The following MMS22L variants were observed in gnomAD, a reference collection of about 807,000 sequenced individuals.
MMS22L encodes the protein MMS22 like, DNA repair protein.
Under a neutral mutation model 159.1 loss-of-function variants are expected in MMS22L, and 74 were observed. That is an observed-to-expected ratio of 0.47 (90% CI 0.39 to 0.56). MMS22L has a LOEUF of 0.56. MMS22L is among the 20% of genes least tolerant of loss of function. The probability of loss-of-function intolerance (pLI) is 0.00; values close to 1 mark genes in which losing one functional copy is unlikely to be tolerated. For missense variants in MMS22L, 1,351 were observed against 1,422.1 expected (o/e 0.95, Z 0.80); for synonymous variants, 517 against 506.9 (o/e 1.02, Z -0.27).
At chr6:97,242,474 G>A (rs879374106) in intron 11 of MMS22L, among the ~76,000 whole-genome samples, 16 of 152,134 alleles carry the variant, frequency 1.1e-4, no homozygotes, top group Admixed American at 2.6e-4. Context: ...ATTACCTTAA[G>A]TTATGAGTCC....
At chr6:97,232,829 T>G (rs1338697345) in intron 12 of MMS22L, among the ~76,000 whole-genome samples, 1 of 152,158 alleles carries the variant, frequency 6.6e-6, no homozygotes, top group Non-Finnish European at 1.5e-5. Flanking sequence ...TACCATTTTC[T>G]ATTTTGATTG....
At chr6:97,223,379 G>A (rs193207676) in intron 14 of MMS22L, among the ~76,000 whole-genome samples, 1 of 152,092 alleles carries the variant, frequency 6.6e-6, no homozygotes, top group East Asian at 1.9e-4. Flanking sequence ...ATGCAGCCAG[G>A]AATAAATATC....
intron 11 of MMS22L, among the ~76,000 whole-genome samples, chr6:97,235,155 G>A (rs1020399731): frequency 1.6e-4 from 24 of 152,284 alleles, no homozygotes; most frequent in African/African-American, 4.1e-4. Flanking sequence ...GCGACTGTGC[G>A]AAACTATAAG....
At chr6:97,178,860 C>T (rs2128268113) in intron 17 of MMS22L, among the ~76,000 whole-genome samples, 1 of 152,082 alleles carries the variant, frequency 6.6e-6, no homozygotes, top group Non-Finnish European at 1.5e-5. Flanking sequence ...GGCCAACCTT[C>T]ATGAAAATAA....
At chr6:97,194,498 T>TA (rs1449289047) in intron 14 of MMS22L, among the ~76,000 whole-genome samples, 1 of 152,152 alleles carries the variant, frequency 6.6e-6, no homozygotes, top group Non-Finnish European at 1.5e-5. Context: ...GCCAAACACT[T>TA]AGAATAGATC....
At chr6:97,194,547 G>C (rs906053739) in intron 14 of MMS22L, among the ~76,000 whole-genome samples, 1 of 152,130 alleles carries the variant, frequency 6.6e-6, no homozygotes, top group Non-Finnish European at 1.5e-5. Context: ...TTGATTTTCT[G>C]ATCAATAATT....
rs753458794 is a variant in MMS22L, at chr6:97,182,041, T to G, written c.2247A>C (p.Leu749=). The change falls in exon 16 of 25, where the codon CTA becomes CTC. Residue 749 remains leucine (L), a synonymous_variant. Coordinates refer to ENST00000683635, the MANE Select transcript of MMS22L (RefSeq NM_001350599.2). ...LADAAADFTL[L]AMDMPSTAPS... ...GAGCTGTGCTTGGCATGTCCATTGC[T>G]AGCAAAGTAAAGTCTAGATTCAAAA... The G allele has an allele frequency of 1.1e-5, 17 of 1,609,914 alleles. No homozygotes were observed. Among genetic ancestry groups the G allele is most frequent in the Non-Finnish European group, 1.4e-5 (16 of 1,178,708 alleles).
At chr6:97,218,476 TA>T (rs1809267948) in intron 14 of MMS22L, among the ~76,000 whole-genome samples, 1 of 152,140 alleles carries the variant, frequency 6.6e-6, no homozygotes, top group Non-Finnish European at 1.5e-5. Context: ...GTCTTTCATG[TA>T]AAAAATACAT....
chr6:97,279,357 G>A (rs753768995), intron 3 of MMS22L, among the ~76,000 whole-genome samples: 4 of 152,084 alleles, frequency 2.6e-5, no homozygotes, highest in Non-Finnish European at 5.9e-5. Context: ...GGTGGCGGAC[G>A]CCTGTAGTCC....
chr6:97,203,619 C>A (rs1303029409), intron 14 of MMS22L, among the ~76,000 whole-genome samples: 2 of 152,176 alleles, frequency 1.3e-5, no homozygotes, highest in Non-Finnish European at 1.5e-5. Context: ...TCAAAGCAAA[C>A]CACTGAGGAG....
At chr6:97,230,235 T>C (rs1810709230) in intron 13 of MMS22L, 1 of 151,534 alleles carries the variant, frequency 6.6e-6, no homozygotes, top group African/African-American at 2.4e-5. Context: ...TAGCTGGGAT[T>C]GCAGGCACGC....
intron 14 of MMS22L, among the ~76,000 whole-genome samples, chr6:97,204,101 A>G (rs202030211): frequency 1.3e-5 from 2 of 152,340 alleles, no homozygotes; most frequent in East Asian, 3.9e-4. Context: ...CTCCGAAAAA[A>G]TTTATAGAAA....
rs149913736 is a variant in MMS22L, at chr6:97,198,866, G to C, written c.2040-12176C>G. 7.0e-4 allele frequency among the ~76,000 whole-genome samples: 106 copies of C among 152,206 alleles called. No homozygotes were observed. In the East Asian group the frequency reaches 8.9e-3, roughly 13 times the overall value. ...AGAACACCTATATGAAACATATGCTGAGACATTTTATGTATATTATCATAT... is the reference window on the plus strand; with the variant it reads ...AGAACACCTATATGAAACATATGCTCAGACATTTTATGTATATTATCATAT... On this transcript the variant is annotated intron_variant, in intron 14 of 24. Coordinates refer to ENST00000683635, the MANE Select transcript of MMS22L (RefSeq NM_001350599.2).
intron 14 of MMS22L, among the ~76,000 whole-genome samples, chr6:97,207,330 T>C (rs981999623): frequency 1.1e-4 from 16 of 152,300 alleles, no homozygotes; most frequent in Non-Finnish European, 7.4e-5. Context: ...CAATTGTGTT[T>C]GTATATGAAA....
rs202023673 is a variant in MMS22L, at chr6:97,281,226, C to T, written c.290+11G>A. The T allele has an allele frequency of 6.5e-5, 103 of 1,596,238 alleles. No individual in the cohort carries two copies. The highest frequency in any genetic ancestry group is 2.0e-4 in the Admixed American group (11 of 55,074). ...CACCTACACTCACAGAAAGTTATAA[C>T]GAAGAAATACCTGAATAAATGAAAG... On this transcript the variant is annotated intron_variant, in intron 3 of 24. Transcript: ENST00000683635.
chr6:97,207,568 T>C (rs923533275), intron 14 of MMS22L, among the ~76,000 whole-genome samples: 1 of 152,148 alleles, frequency 6.6e-6, no homozygotes. Flanking sequence ...GAGGCTCTCC[T>C]CTCTCTTTGG....
intron 10 of MMS22L, among the ~76,000 whole-genome samples, chr6:97,249,492 T>C (rs1217069477): frequency 1.3e-5 from 2 of 152,152 alleles, no homozygotes; most frequent in Non-Finnish European, 1.5e-5. Context: ...TGAAACTTGG[T>C]AGTTGGCCCT....
At chr6:97,267,611 T>G (rs901301148) in intron 8 of MMS22L, 1 of 211,936 alleles carries the variant, frequency 4.7e-6, no homozygotes, top group African/African-American at 2.3e-5. Context: ...TATTTATTTA[T>G]TTTTGTCAAA....
intron 14 of MMS22L, among the ~76,000 whole-genome samples, chr6:97,209,406 C>T (rs1353157493): frequency 6.6e-6 from 1 of 151,898 alleles, no homozygotes; most frequent in Non-Finnish European, 1.5e-5. Context: ...TTGTGCTTTT[C>T]TCATATCCTA....
Sources: allele counts gnomAD v4.1 joint callset (sites outside exome capture counted in the v4.1 genomes callset), GRCh38; gene constraint gnomAD v4.1.1; transcripts MANE v1.5; gene names NCBI Gene and HGNC (gene_info 2026-07-23, HGNC 2026-07-21).